The following DMD variants were observed in gnomAD, a reference collection of about 807,000 sequenced individuals.
DMD encodes the protein dystrophin.
DMD carries 63 observed loss-of-function variants against 330.1 expected under a neutral mutation model. The observed-to-expected ratio is 0.19, with a 90% CI of 0.16 to 0.24. The LOEUF (loss-of-function observed/expected upper bound fraction) is 0.24. Among genes scored for constraint, DMD ranks in the 10% least tolerant of loss-of-function variants. DMD has a pLI of 1.00. For missense variants in DMD, 3,344 were observed against 2,684.1 expected, an observed-to-expected ratio of 1.25 and a Z score of -5.43; for synonymous variants, 1,223 against 959.8, an observed-to-expected ratio of 1.27 and a Z score of -5.07.
chrX:32,622,669 G>C (rs886277432), intron 11 of DMD, among the ~76,000 whole-genome samples: 2 of 111,765 alleles, frequency 1.8e-5, no homozygotes, highest in Non-Finnish European at 3.8e-5. Flanking sequence ...CCAGTTTGCT[G>C]TAGTCCTCAT....
intron 43 of DMD, among the ~76,000 whole-genome samples, chrX:32,237,761 T>G (rs1172120813): frequency 8.9e-6 from 1 of 111,945 alleles, no homozygotes; most frequent in Non-Finnish European, 1.9e-5. Context: ...AAGCTTCTTA[T>G]TGTTACGGTA....
chrX:31,834,682 C>T (rs773570544), intron 49 of DMD, among the ~76,000 whole-genome samples: 7 of 111,430 alleles, frequency 6.3e-5, no homozygotes, highest in South Asian at 7.6e-4. Context: ...TCAGGTGATC[C>T]GCCTGCCTCG....
intron 57 of DMD, among the ~76,000 whole-genome samples, chrX:31,493,265 A>G (rs1213499254): frequency 8.9e-6 from 1 of 111,933 alleles, no homozygotes; most frequent in African/African-American, 3.2e-5. Context: ...CTTGAAGGAC[A>G]TGGTTTAGCA....
chrX:33,229,753 C>T (rs1046624687), intron 1 of DMD, among the ~76,000 whole-genome samples: 1 of 111,589 alleles, frequency 9.0e-6, no homozygotes, highest in African/African-American at 3.2e-5. Context: ...CAGGCTTGTA[C>T]TTTTCCGTAT....
intron 11 of DMD, among the ~76,000 whole-genome samples, chrX:32,615,547 A>C (rs1475079278): frequency 2.7e-5 from 3 of 111,907 alleles, no homozygotes; most frequent in Non-Finnish European, 5.7e-5. Context: ...CATCATGTTT[A>C]AAGCATTTTT....
At chrX:32,297,631 G>A (rs1348406403) in intron 42 of DMD, among the ~76,000 whole-genome samples, 5 of 111,300 alleles carry the variant, frequency 4.5e-5, no homozygotes, top group East Asian at 2.8e-4. Flanking sequence ...CAAAAGCCCC[G>A]CTCTCTGGAA....
At chrX:32,495,447 T>C (rs1040592820) in intron 19 of DMD, among the ~76,000 whole-genome samples, 6 of 111,982 alleles carry the variant, frequency 5.4e-5, no homozygotes, top group Admixed American at 2.9e-4. Context: ...TCAAATTTGC[T>C]TTAAAATACT....
chrX:32,652,050 G>T (rs1185595881), intron 9 of DMD, among the ~76,000 whole-genome samples: 1 of 111,409 alleles, frequency 9.0e-6, no homozygotes, highest in African/African-American at 3.3e-5. Context: ...ACAAAAATGG[G>T]TATCATACGT....
intron 26 of DMD, among the ~76,000 whole-genome samples, chrX:32,453,229 C>G (rs888299362): frequency 1.8e-5 from 2 of 110,896 alleles, no homozygotes; most frequent in Admixed American, 1.9e-4. Context: ...AGGCAGTGGT[C>G]TTGCTCACCA....
chrX:32,507,701 A>G (rs228321), intron 18 of DMD, among the ~76,000 whole-genome samples: 14,454 of 111,367 alleles, frequency 0.13, 932 homozygotes, highest in Middle Eastern at 0.23. Context: ...TTTGAAAACA[A>G]TGCAATAGCC....
At chrX:32,156,328 C>T (rs1055363927) in intron 44 of DMD, among the ~76,000 whole-genome samples, 2 of 111,862 alleles carry the variant, frequency 1.8e-5, no homozygotes, top group Non-Finnish European at 3.8e-5. Flanking sequence ...TGCAGTGAGC[C>T]GAGATTGCAC....
At chrX:31,337,172 C>T (rs1396059337) in intron 61 of DMD, among the ~76,000 whole-genome samples, 2 of 110,413 alleles carry the variant, frequency 1.8e-5, no homozygotes, top group African/African-American at 3.3e-5. Flanking sequence ...ATCCGCCCGC[C>T]TCAGCCTCCC....
chrX:32,418,636 GC>G (rs1365303963), intron 29 of DMD, among the ~76,000 whole-genome samples: 5 of 110,898 alleles, frequency 4.5e-5, no homozygotes, highest in African/African-American at 1.6e-4. Context: ...AAAGAAGCAT[GC>G]CATAAAAGTA....
chrX:32,635,424 T>C (rs2059030678), intron 11 of DMD, among the ~76,000 whole-genome samples: 1 of 111,462 alleles, frequency 9.0e-6, no homozygotes, highest in African/African-American at 3.3e-5. Context: ...TGGCGATTTT[T>C]CTCCACCTCC....
chrX:32,581,249 A>G (rs2053624379), intron 13 of DMD, among the ~76,000 whole-genome samples: 1 of 112,363 alleles, frequency 8.9e-6, no homozygotes, highest in East Asian at 2.8e-4. Context: ...GTACATACCT[A>G]ATAAAATGCA....
At chrX:31,456,836 A>ATG (rs5901988) in intron 59 of DMD, among the ~76,000 whole-genome samples, 19,499 of 82,913 alleles carry the variant, frequency 0.24, 1,992 homozygotes, top group South Asian at 0.3. Context: ...GCCCACATAT[A>ATG]TGTGTGTGTG....
intron 1 of DMD, among the ~76,000 whole-genome samples, chrX:33,026,348 G>GAAAGA (rs2094004001): frequency 3.3e-4 from 17 of 51,273 alleles, no homozygotes; most frequent in South Asian, 3.1e-3. Context: ...AAAAAAAAAA[G>GAAAGA]AAAGAAAAGA....
In DMD at chrX:33,306,262, T is replaced by G. The variant is rs1603429760; in HGVS notation, c.7+32997A>C. Among the ~76,000 whole-genome samples the G allele has an allele frequency of 2.7e-5, 3 of 112,106 alleles. No homozygotes were observed. The South Asian group carries it at 1.1e-3, about 41-fold the overall frequency. On this transcript the variant is annotated intron_variant, in intron 1 of 17. Coordinates refer to the DMD transcript ENST00000288447. ...CTTACTATGAAAAGAAACTCTTGCTTTATGTTACATGTGCATCATTCATTT... is the reference window on the plus strand; with the variant it reads ...CTTACTATGAAAAGAAACTCTTGCTGTATGTTACATGTGCATCATTCATTT...
At chrX:32,889,833 A>G (rs2085023023) in intron 2 of DMD, among the ~76,000 whole-genome samples, 1 of 110,837 alleles carries the variant, frequency 9.0e-6, no homozygotes, top group South Asian at 3.9e-4. Flanking sequence ...TGAAATAAAC[A>G]GCCTTGTTGC....
Sources: allele counts gnomAD v4.1 joint callset (sites outside exome capture counted in the v4.1 genomes callset), GRCh38; gene constraint gnomAD v4.1.1; transcripts MANE v1.5; gene names NCBI Gene and HGNC (gene_info 2026-07-23, HGNC 2026-07-21).